Variants in UBN1 observed in about 807,000 individuals in gnomAD.
UBN1 encodes ubinuclein-1.
Under a neutral mutation model 108.5 loss-of-function variants are expected in UBN1, and 17 were observed. The ratio of observed to expected loss-of-function variants is 0.16; its 90% CI spans 0.11 to 0.24. The LOEUF is 0.24. UBN1 is among the 10% of genes least tolerant of loss of function. The pLI, the probability that UBN1 is intolerant of heterozygous loss-of-function variation, is 1.00. For synonymous variants in UBN1, 726 were observed against 564.2 expected, an observed-to-expected ratio of 1.29 and a Z score of -4.07; for missense variants, 1,595 against 1,394.4, an observed-to-expected ratio of 1.14 and a Z score of -2.29.
chr16:4,854,808 C>T (rs2086721992), intron 2 of UBN1, among the ~76,000 whole-genome samples: 1 of 151,972 alleles, frequency 6.6e-6, no homozygotes, highest in Non-Finnish European at 1.5e-5. Context: ...CTGCAAGCTC[C>T]GCCTCCTCGG....
At position 4,858,001 on chromosome 16, in the gene UBN1, G is replaced by A; in HGVS notation, c.261G>A (p.Leu87=). The A allele has an allele frequency of 6.2e-7, 1 of 1,612,560 alleles. No homozygotes were observed. The highest frequency in any genetic ancestry group is 8.5e-7 in the Non-Finnish European group (1 of 1,179,248). The change falls in exon 3 of 18, where the codon CTG becomes CTA. Residue 87 remains leucine (L), a synonymous_variant. Transcript: ENST00000262376. ...CGATCTCTTTACAGAAGAAAGATCT[G>A]TCAGATCCTTTCAATGACGAAGAAA... is the stretch of plus-strand genomic sequence containing the variant. ...GLQPGDKKKD[L]SDPFNDEEKE...
chr16:4,870,788 G>T, intron 10 of UBN1, 56 bp from the exon 11 acceptor site: 1 of 1,608,256 alleles, frequency 6.2e-7, no homozygotes, highest in Non-Finnish European at 8.5e-7. Flanking sequence ...AGAGTGAGGG[G>T]AGAGGCGGTG....
At chr16:4,866,874 A>G (rs966628922) in intron 7 of UBN1, among the ~76,000 whole-genome samples, 2 of 152,204 alleles carry the variant, frequency 1.3e-5, no homozygotes, top group Non-Finnish European at 2.9e-5. Context: ...TACGCAGACA[A>G]TGGACTGTAG....
In UBN1 at chr16:4,873,066, A is replaced by G. The variant is rs1202681743; in HGVS notation, c.1793A>G (p.Lys598Arg). The G allele has an allele frequency of 1.9e-6, 3 of 1,614,058 alleles. No individual in the cohort carries two copies. The highest frequency in any genetic ancestry group is 2.2e-5 in the South Asian group (2 of 91,086). The part of the protein sequence containing the change: ...KKKVMAPSKI[K>R]VKESSTKPDK... The stretch of plus-strand genomic sequence containing the variant: ...AAAGTTATGGCCCCTTCTAAAATCA[A>G]GGTGAAGGTGAGTCAGTTTGCTCGG... The change falls in exon 14 of 18, where the codon AAG becomes AGG. Residue 598 changes from lysine to arginine, a missense_variant. By Grantham distance (26) the Lys-to-Arg change is conservative. Coordinates refer to ENST00000262376, the MANE Select transcript of UBN1 (RefSeq NM_001079514.3).
chr16:4,873,834 A>T (rs974865481), intron 14 of UBN1, among the ~76,000 whole-genome samples: 5 of 152,240 alleles, frequency 3.3e-5, no homozygotes, highest in African/African-American at 1.2e-4. Context: ...GGCAATTCTC[A>T]TGCCATGCCT....
intron 8 of UBN1, among the ~76,000 whole-genome samples, chr16:4,870,008 A>G (rs1412983327): frequency 6.6e-6 from 1 of 152,166 alleles, no homozygotes; most frequent in African/African-American, 2.4e-5. Context: ...CACATTACCT[A>G]GCCATGTTCA....
chr16:4,877,688 G>T lies in UBN1; in HGVS notation c.3355+214G>T, dbSNP rs1183704100. 1.1e-5 allele frequency: 14 copies of T among 1,271,932 alleles called. No homozygotes were observed. The South Asian group carries it at 3.8e-4, about 34-fold the overall frequency. 78.8% of individuals were successfully genotyped at this position (1,271,932 alleles called of 1,614,324 possible). On this transcript the variant is annotated intron_variant, in intron 17 of 17. Coordinates refer to ENST00000262376, the MANE Select transcript of UBN1 (RefSeq NM_001079514.3). The surrounding 1 kb of genome is among the most constrained non-coding windows in gnomAD (Gnocchi z 4.3). ...GGTCCCCACTTGGAGCTGCCGCCAG[G>T]TCAGCCTCAGCCTGTGTGATCACAG...
chr16:4,870,124 C>G, intron 8 of UBN1, 88 bp from the exon 9 acceptor site: 2 of 1,579,450 alleles, frequency 1.3e-6, no homozygotes, highest in Non-Finnish European at 1.7e-6. Context: ...GCCGTTGGCT[C>G]CTAGCTTTCC....
intron 17 of UBN1, 45 bp from the exon 18 acceptor site, chr16:4,880,038 A>G (rs1431647825): frequency 1.2e-6 from 2 of 1,608,764 alleles, no homozygotes; most frequent in East Asian, 2.2e-5. Context: ...AGGAAATCAG[A>G]GAGCATGAAA....
chr16:4,869,680 C>T (rs968137305), intron 8 of UBN1, among the ~76,000 whole-genome samples: 19 of 152,152 alleles, frequency 1.2e-4, no homozygotes, highest in Non-Finnish European at 1.8e-4. Flanking sequence ...TTGGTGCGGA[C>T]GATAGGATTG....
intron 4 of UBN1, 160 bp downstream of exon 4, chr16:4,858,823 G>T: frequency 1.1e-6 from 1 of 942,834 alleles, no homozygotes; most frequent in Non-Finnish European, 1.6e-6. Flanking sequence ...CTTTATCCGG[G>T]TCTTAGTTCC....
intron 7 of UBN1, among the ~76,000 whole-genome samples, chr16:4,865,777 A>G (rs1002951876): frequency 6.6e-6 from 1 of 152,120 alleles, no homozygotes; most frequent in South Asian, 2.1e-4. Flanking sequence ...CCTGGCCAAC[A>G]TGGTGAAACC....
In UBN1 at chr16:4,860,793, G is replaced by C. The variant is rs780959234; in HGVS notation, c.801G>C (p.Lys267Asn). ...EAQKKREEEH[K>N]PVAVPSAEAQ... ...AGAAAAAAAGGGAGGAGGAGCATAA[G>C]CCTGTTGCGGTCCCATCAGCGGAAG... Residue 267 changes from lysine (K) to asparagine (N), a missense_variant, in exon 7 of 18, where the codon AAG (lysine) becomes AAC (asparagine). This residue lies in a region of UBN1 where 1,398 missense variants were observed against 1,194.7 expected (regional missense o/e 1.17). Transcript: ENST00000262376. 6.2e-7 allele frequency: 1 copy of C among 1,614,282 alleles called. No individual in the cohort carries two copies. The highest frequency in any genetic ancestry group is 1.7e-5 in the Admixed American group (1 of 60,030).
Position 4,861,038 on chromosome 16 carries a change from A to T in UBN1, c.1046A>T (p.Gln349Leu), listed in dbSNP as rs2087034122. 8.1e-6 allele frequency: 13 copies of T among 1,614,168 alleles called. No individual in the cohort carries two copies. The highest frequency in any genetic ancestry group is 1.1e-5 in the Non-Finnish European group (13 of 1,180,048). Reference sequence around the variant, plus strand: ...GTGGGATTGGACCAGGAATTCAGGCAGCCCTCTTCTCTCCCCGAAGGCCTG... The same window carrying T: ...GTGGGATTGGACCAGGAATTCAGGCTGCCCTCTTCTCTCCCCGAAGGCCTG... Reference protein sequence around the residue: ...LGVGLDQEFRQPSSLPEGLPA... With the variant: ...LGVGLDQEFRLPSSLPEGLPA... The change falls in exon 7 of 18, where the codon CAG becomes CTG. Residue 349 changes from glutamine to leucine, a missense_variant. Transcript: ENST00000262376.
intron 2 of UBN1, among the ~76,000 whole-genome samples, chr16:4,853,532 A>AT (rs1471350350): frequency 6.6e-6 from 1 of 151,318 alleles, no homozygotes; most frequent in Non-Finnish European, 1.5e-5. Flanking sequence ...AGACAAAAAA[A>AT]CACGTAGACT....
chr16:4,870,656 C>T (rs762139329), intron 10 of UBN1, 22 bp downstream of exon 10: 20 of 1,613,346 alleles, frequency 1.2e-5, no homozygotes, highest in Non-Finnish European at 1.6e-5. Context: ...CTGGCGCTTG[C>T]AGGTGCAACC....
In UBN1 at chr16:4,870,331, T is replaced by C; in HGVS notation, c.1301T>C (p.Leu434Pro). 6.2e-7 allele frequency: 1 copy of C among 1,614,100 alleles called. No homozygotes were observed. The highest frequency in any genetic ancestry group is 8.5e-7 in the Non-Finnish European group (1 of 1,180,000). ...ALLKRARKLH[L>P]YEQGGRLKEP... ...CTCAAGCGTGCTCGGAAACTTCACC[T>C]CTATGAACAGGTGGGTGACTCTAGA... The change falls in exon 9 of 18, where the codon CTC becomes CCC. Residue 434 changes from leucine to proline, a missense_variant. Physicochemically the swap from Leu to Pro is moderately conservative, Grantham distance 98. Transcript: ENST00000262376.
intron 15 of UBN1, among the ~76,000 whole-genome samples, chr16:4,875,971 T>G (rs910734995): frequency 1.3e-5 from 2 of 151,638 alleles, no homozygotes; most frequent in Non-Finnish European, 2.9e-5. Context: ...TCTTTTTTTT[T>G]TTTTTGAGAC....
At chr16:4,851,467 T>C (rs2086554707) in intron 1 of UBN1, among the ~76,000 whole-genome samples, 3 of 151,912 alleles carry the variant, frequency 2.0e-5, no homozygotes, top group South Asian at 4.2e-4. Context: ...AAAAAACCTA[T>C]ATACACAAGT....
Sources: allele counts gnomAD v4.1 joint callset (sites outside exome capture counted in the v4.1 genomes callset), GRCh38; gene constraint gnomAD v4.1.1; regional missense constraint gnomAD v4.1.1; non-coding constraint Gnocchi (gnomAD v3.1); transcripts MANE v1.5; gene names NCBI Gene and HGNC (gene_info 2026-07-23, HGNC 2026-07-21).